Variants in CADM2 observed in about 807,000 individuals in gnomAD.
The protein encoded by CADM2 is cell adhesion molecule 2.
CADM2 carries 12 observed loss-of-function variants against 49.8 expected under a neutral mutation model. The ratio of observed to expected loss-of-function variants is 0.24; its 90% CI spans 0.15 to 0.39. The LOEUF (loss-of-function observed/expected upper bound fraction) is 0.39, where lower values mean the gene tolerates loss of function less well. Among genes scored for constraint, CADM2 ranks in the 10% least tolerant of loss-of-function variants. The probability of loss-of-function intolerance (pLI) is 1.00; values close to 1 mark genes in which losing one functional copy is unlikely to be tolerated. For synonymous variants in CADM2, 214 were observed against 175.4 expected (o/e 1.22, Z -1.74); for missense variants, 378 against 492.3 (o/e 0.77, Z 2.20).
intron 1 of CADM2, among the ~76,000 whole-genome samples, chr3:85,613,646 T>A (rs1196412296): frequency 6.6e-6 from 1 of 151,622 alleles, no homozygotes; most frequent in Admixed American, 6.6e-5. Context: ...ATATAATTTT[T>A]AATTTATTTT....
chr3:85,565,591 C>T (rs1023841026), intron 1 of CADM2, among the ~76,000 whole-genome samples: 2 of 151,956 alleles, frequency 1.3e-5, no homozygotes, highest in African/African-American at 2.4e-5. Context: ...TAACAATGCT[C>T]ATATCTCTCT....
chr3:85,395,296 C>CAAAAAAAAAAAAAAAAAAAAAGA, intron 1 of CADM2, among the ~76,000 whole-genome samples: 1 of 75,542 alleles, frequency 1.3e-5, no homozygotes, highest in Non-Finnish European at 2.7e-5. Context: ...AGACTCCATA[C>CAAAAAAAAAAAAAAAAAAAAAGA]AAAAAAAAAA....
chr3:85,262,370 T>A (rs988490661), intron 1 of CADM2, among the ~76,000 whole-genome samples: 4 of 152,072 alleles, frequency 2.6e-5, no homozygotes, highest in Admixed American at 2.6e-4. Flanking sequence ...ATCAGTGAAG[T>A]CACTGATTTA....
chr3:85,999,833 A>G (rs1729945755), intron 8 of CADM2, among the ~76,000 whole-genome samples: 2 of 152,186 alleles, frequency 1.3e-5, no homozygotes, highest in Non-Finnish European at 2.9e-5. Flanking sequence ...AAGTCACTGC[A>G]TTCTATTATT....
intron 1 of CADM2, among the ~76,000 whole-genome samples, chr3:85,382,785 A>G (rs1235094997): frequency 6.6e-6 from 1 of 152,182 alleles, no homozygotes; most frequent in Non-Finnish European, 1.5e-5. Flanking sequence ...AGAAACAAAT[A>G]TTTGACAATT....
At chr3:85,506,500 C>T (rs1469933159) in intron 1 of CADM2, among the ~76,000 whole-genome samples, 1 of 152,046 alleles carries the variant, frequency 6.6e-6, no homozygotes, top group East Asian at 1.9e-4. Flanking sequence ...AAAATGAACA[C>T]AGCATAAATT....
intron 1 of CADM2, among the ~76,000 whole-genome samples, chr3:84,987,036 G>A (rs1431676330): frequency 1.3e-5 from 2 of 150,792 alleles, no homozygotes; most frequent in Non-Finnish European, 1.5e-5. Context: ...TGGGCAACAA[G>A]AGCGAAACTC....
chr3:85,249,516 A>G (rs1456976351), intron 1 of CADM2, among the ~76,000 whole-genome samples: 1 of 152,010 alleles, frequency 6.6e-6, no homozygotes, highest in Non-Finnish European at 1.5e-5. Context: ...TAACTTTTTA[A>G]GTTGTGGTTG....
intron 1 of CADM2, among the ~76,000 whole-genome samples, chr3:85,350,173 G>T (rs992612067): frequency 6.6e-6 from 1 of 152,006 alleles, no homozygotes; most frequent in Non-Finnish European, 1.5e-5. Context: ...CTATACTGAG[G>T]GTGGGATTAG....
At chr3:85,025,345 A>C (rs2034679910) in intron 1 of CADM2, among the ~76,000 whole-genome samples, 1 of 152,186 alleles carries the variant, frequency 6.6e-6, no homozygotes, top group Non-Finnish European at 1.5e-5. Flanking sequence ...TTCTAACATA[A>C]AAATTATAGA....
At chr3:85,753,464 T>C (rs1340702482) in intron 2 of CADM2, among the ~76,000 whole-genome samples, 3 of 152,118 alleles carry the variant, frequency 2.0e-5, no homozygotes, top group Non-Finnish European at 2.9e-5. Flanking sequence ...TACATATAAA[T>C]TTAGTGAAAG....
intron 1 of CADM2, among the ~76,000 whole-genome samples, chr3:85,038,892 C>T (rs532513347): frequency 9.9e-5 from 15 of 152,246 alleles, no homozygotes; most frequent in African/African-American, 3.6e-4. Context: ...GCAAATGTAA[C>T]AACTTTTTCA....
At chr3:85,253,655 A>G (rs1006920477) in intron 1 of CADM2, among the ~76,000 whole-genome samples, 1 of 152,026 alleles carries the variant, frequency 6.6e-6, no homozygotes, top group African/African-American at 2.4e-5. Flanking sequence ...AGTTTGTCGC[A>G]TCCTTCTCTT....
At chr3:85,538,775 G>T (rs538914881) in intron 1 of CADM2, among the ~76,000 whole-genome samples, 41 of 152,118 alleles carry the variant, frequency 2.7e-4, no homozygotes, top group African/African-American at 9.6e-4. Flanking sequence ...ATGTACTTGG[G>T]TTTCTGCCAT....
intron 1 of CADM2, among the ~76,000 whole-genome samples, chr3:85,281,958 A>C (rs532229240): frequency 6.6e-6 from 1 of 152,258 alleles, no homozygotes; most frequent in African/African-American, 2.4e-5. Context: ...ATCTCATTAT[A>C]TTGAGAGTTC....
chr3:85,927,064 G>C (rs1268769495), intron 6 of CADM2, among the ~76,000 whole-genome samples: 1 of 152,016 alleles, frequency 6.6e-6, no homozygotes. Flanking sequence ...CAGAATTTTT[G>C]GTATGCTTTA....
chr3:85,798,000 C>T (rs1240310310), intron 2 of CADM2, among the ~76,000 whole-genome samples: 1 of 152,182 alleles, frequency 6.6e-6, no homozygotes, highest in Non-Finnish European at 1.5e-5. Context: ...TTGCATTTCT[C>T]TAATGACCAG....
chr3:85,014,575 C>T (rs1293749138), intron 1 of CADM2, among the ~76,000 whole-genome samples: 1 of 152,050 alleles, frequency 6.6e-6, no homozygotes, highest in Non-Finnish European at 1.5e-5. Flanking sequence ...GACTAGTGTA[C>T]CCCCAAACAT....
intron 1 of CADM2, among the ~76,000 whole-genome samples, chr3:85,710,336 C>T (rs969056133): frequency 3.3e-5 from 5 of 152,136 alleles, no homozygotes; most frequent in African/African-American, 7.2e-5. Flanking sequence ...TAAAACGTTA[C>T]ACTTATGTTC....
Sources: allele counts gnomAD v4.1 joint callset (sites outside exome capture counted in the v4.1 genomes callset), GRCh38; gene constraint gnomAD v4.1.1; transcripts MANE v1.5; gene names NCBI Gene and HGNC (gene_info 2026-07-23, HGNC 2026-07-21).